CDC42BPB: variants seen among roughly 807,000 people sequenced by gnomAD.
CDC42BPB encodes the protein CDC42 binding protein kinase beta.
CDC42BPB carries 37 observed loss-of-function variants against 214.9 expected under a neutral mutation model. The ratio of observed to expected loss-of-function variants is 0.17; its 90% CI spans 0.13 to 0.23. The LOEUF is 0.23. Among genes scored for constraint, CDC42BPB ranks in the 10% least tolerant of loss-of-function variants. The pLI, the probability that CDC42BPB is intolerant of heterozygous loss-of-function variation, is 1.00. For missense variants in CDC42BPB, 1,694 were observed against 2,227.0 expected, an observed-to-expected ratio of 0.76 and a Z score of 4.82; for synonymous variants, 931 against 884.0, an observed-to-expected ratio of 1.05 and a Z score of -0.94.
At chr14:102,992,939 A>C (rs1595118205) in intron 5 of CDC42BPB, among the ~76,000 whole-genome samples, 1 of 151,724 alleles carries the variant, frequency 6.6e-6, no homozygotes, top group African/African-American at 2.4e-5. Context: ...AGCGATTCTC[A>C]TACCTCAGCC....
chr14:102,995,955 T>C (rs1195682497), intron 5 of CDC42BPB, among the ~76,000 whole-genome samples: 2 of 152,250 alleles, frequency 1.3e-5, no homozygotes, highest in African/African-American at 4.8e-5. Context: ...GTCTGAATAA[T>C]GAGTTAATTT....
chr14:103,005,167 CAAAA>C (rs59904134), intron 3 of CDC42BPB, among the ~76,000 whole-genome samples: 7 of 117,448 alleles, frequency 6.0e-5, no homozygotes, highest in African/African-American at 2.5e-4. Flanking sequence ...GACTCTGTCT[CAAAA>C]AAAAAAAAAA....
intron 1 of CDC42BPB, among the ~76,000 whole-genome samples, chr14:103,025,268 CT>C (rs1453526495): frequency 6.6e-6 from 1 of 152,026 alleles, no homozygotes; most frequent in Non-Finnish European, 1.5e-5. Context: ...TGTGCCACCC[CT>C]CTCCCCCACC....
chr14:103,003,886 C>T (rs750215617), intron 4 of CDC42BPB, 42 bp downstream of exon 4: 10 of 1,497,220 alleles, frequency 6.7e-6, no homozygotes, highest in South Asian at 4.6e-5. Context: ...GGAATAAAGC[C>T]GGAGCGAATG....
At chr14:102,958,919 C>T (rs1892830661) in intron 21 of CDC42BPB, among the ~76,000 whole-genome samples, 1 of 151,954 alleles carries the variant, frequency 6.6e-6, no homozygotes, top group South Asian at 2.1e-4. Flanking sequence ...GTGATCCTCC[C>T]ACTTCAGCCT....
rs576673218 is a variant in CDC42BPB, at chr14:102,937,581, C to T, written c.5004+523G>A. 6.6e-5 allele frequency among the ~76,000 whole-genome samples: 10 copies of T among 152,284 alleles called. No homozygotes were observed. In the East Asian group the frequency reaches 1.3e-3, roughly 21 times the overall value. On this transcript the variant is annotated intron_variant, in intron 36 of 36. Transcript: ENST00000361246. Reference sequence around the variant, plus strand: ...CTCAGCCCTCAGCACTGCAGCTCCTCGCCTCCCTCGACTGCATTCTCATCC... The same window carrying T: ...CTCAGCCCTCAGCACTGCAGCTCCTTGCCTCCCTCGACTGCATTCTCATCC...
intron 22 of CDC42BPB, 75 bp downstream of exon 22, chr14:102,954,527 G>C: frequency 6.9e-7 from 1 of 1,456,762 alleles, no homozygotes; most frequent in Non-Finnish European, 9.5e-7. Context: ...GCAGGGGCCA[G>C]GTGAGCAGCA....
chr14:102,938,504 T>G, intron 34 of CDC42BPB, 93 bp from the exon 35 acceptor site: 1 of 1,466,184 alleles, frequency 6.8e-7, no homozygotes, highest in South Asian at 1.4e-5. Context: ...TGTGGCCTCG[T>G]GACCTTGATG....
At chr14:103,008,290 G>T (rs996918959) in intron 3 of CDC42BPB, among the ~76,000 whole-genome samples, 182 bp downstream of exon 3, 1 of 152,238 alleles carries the variant, frequency 6.6e-6, no homozygotes, top group Admixed American at 6.5e-5. Context: ...GGTCGCTGAG[G>T]CGGGGAGCAG....
chr14:102,939,518 C>T, intron 34 of CDC42BPB, 92 bp downstream of exon 34: 1 of 913,588 alleles, frequency 1.1e-6, no homozygotes, highest in Non-Finnish European at 1.8e-6. Flanking sequence ...CTCGCAGGCA[C>T]TGCCTTTGGG....
chr14:103,049,166 A>T (rs1008329506), intron 1 of CDC42BPB, among the ~76,000 whole-genome samples: 11 of 152,248 alleles, frequency 7.2e-5, no homozygotes, highest in Non-Finnish European at 1.6e-4. Flanking sequence ...CAATGTCTAA[A>T]ATGGTAAAAT....
chr14:102,944,048 C>A lies in CDC42BPB; in HGVS notation c.4251G>T (p.Ala1417=). 6.2e-7 allele frequency: 1 copy of A among 1,613,600 alleles called. No individual in the cohort carries two copies. Among genetic ancestry groups the A allele is most frequent in the Non-Finnish European group, 8.5e-7 (1 of 1,180,012 alleles). ...NLVNPNDPSL[A]FLSQQSFDAL... ...CATCAAAAGACTGTTGTGAGAGGAACGCAAGCGAGGGGTCATTGGGATTTA... is the reference window on the plus strand; with the variant it reads ...CATCAAAAGACTGTTGTGAGAGGAAAGCAAGCGAGGGGTCATTGGGATTTA... The change falls in exon 30 of 37, where the codon GCG becomes GCT. Residue 1417 remains alanine (A), a synonymous_variant. Coordinates refer to ENST00000361246, the MANE Select transcript of CDC42BPB (RefSeq NM_006035.4). The surrounding 1 kb of genome is among the most constrained non-coding windows in gnomAD (Gnocchi z 6.6).
At chr14:102,947,943 A>C (rs982793441) in intron 26 of CDC42BPB, 141 bp from the exon 27 acceptor site, 2 of 1,497,454 alleles carry the variant, frequency 1.3e-6, no homozygotes, top group East Asian at 4.8e-5. Flanking sequence ...GCCTCCCCAG[A>C]TGTAAGAAAC....
At position 102,943,934 on chromosome 14, in the gene CDC42BPB, T is replaced by C. The variant is rs761505951; in HGVS notation, c.4365A>G (p.Ala1455=). 1.2e-6 allele frequency: 2 copies of C among 1,612,560 alleles called. No individual in the cohort carries two copies. Among genetic ancestry groups the C allele is most frequent in the Non-Finnish European group, 1.7e-6 (2 of 1,179,886 alleles). Residue 1455 remains alanine (A), a synonymous_variant, in exon 30 of 37, where the codon GCA becomes GCG. Coordinates refer to ENST00000361246, the MANE Select transcript of CDC42BPB (RefSeq NM_006035.4). This position sits in a 1 kb window ranked among gnomAD's most constrained non-coding sequence, Gnocchi z 4.6. ...CAGGCCACATGAGCTCCTGCGCGCGTGCCCTCCGGCCTTGCGGGTCCACGT... is the reference window on the plus strand; with the variant it reads ...CAGGCCACATGAGCTCCTGCGCGCGCGCCCTCCGGCCTTGCGGGTCCACGT... ...GLYVDPQGRR[A]RAQELMWPAA...
chr14:102,965,213 T>TGAGC (rs1893144474), intron 18 of CDC42BPB, among the ~76,000 whole-genome samples: 1 of 152,138 alleles, frequency 6.6e-6, no homozygotes, highest in South Asian at 2.1e-4. Flanking sequence ...ATTACAGGCA[T>TGAGC]GAGCCGCTGC....
Position 102,968,461 on chromosome 14 carries a change from T to C in CDC42BPB, c.2240+11A>G. The C allele has an allele frequency of 6.2e-7, 1 of 1,614,018 alleles. No homozygotes were observed. The highest frequency in any genetic ancestry group is 8.5e-7 in the Non-Finnish European group (1 of 1,179,978). On this transcript the variant is annotated intron_variant, in intron 15 of 36. Coordinates refer to ENST00000361246, the MANE Select transcript of CDC42BPB (RefSeq NM_006035.4). ...TGCATCTTCTGAACTGAGAAGCTCATGAAAACCTACCGTTCTCGCTTTGAC... is the reference window on the plus strand; with the variant it reads ...TGCATCTTCTGAACTGAGAAGCTCACGAAAACCTACCGTTCTCGCTTTGAC...
chr14:102,934,327 G>A (rs2139327205), intron 36 of CDC42BPB, among the ~76,000 whole-genome samples: 1 of 152,310 alleles, frequency 6.6e-6, no homozygotes, highest in East Asian at 1.9e-4. Context: ...AAAGTCAGGA[G>A]ATTGGGACCA....
rs1176003660 is a variant in CDC42BPB, at chr14:102,980,859, T to C, written c.1054A>G (p.Asn352Asp). ...TCAGGAATATAAGGTGCTTCTAGGT[T>C]TCGTATATTTTCCCAATTTAGACCT... is the stretch of plus-strand genomic sequence containing the variant. ...FEGLNWENIR[N>D]LEAPYIPDVS... Residue 352 changes from asparagine to aspartate, a missense_variant, in exon 8 of 37, where the codon AAC becomes GAC. By Grantham distance (23) the Asn-to-Asp change is conservative. Coordinates refer to ENST00000361246, the MANE Select transcript of CDC42BPB (RefSeq NM_006035.4). 1.2e-6 allele frequency: 2 copies of C among 1,614,026 alleles called. No homozygotes were observed. The highest frequency in any genetic ancestry group is 2.7e-5 in the African/African-American group (2 of 74,912).
rs762110134 is a variant in CDC42BPB at position 102,940,119 on chromosome 14, C to A, written c.4518G>T (p.Leu1506=). The A allele has an allele frequency of 2.5e-6, 4 of 1,613,894 alleles. No homozygotes were observed. Among genetic ancestry groups the A allele is most frequent in the Non-Finnish European group, 3.4e-6 (4 of 1,180,044 alleles). Residue 1506 remains leucine (L), a synonymous_variant, in exon 32 of 37, where the codon CTG becomes CTT. Transcript: ENST00000361246. ...QTIGLRRIRP[L]NSEGTLNLLN... Reference sequence around the variant, plus strand: ...GGAGGTTGAGGGTGCCTTCAGAGTTCAGGGGCCTTATCTGGATTGGAAACC... The same window carrying A: ...GGAGGTTGAGGGTGCCTTCAGAGTTAAGGGGCCTTATCTGGATTGGAAACC...
Sources: gnomAD v4.1 joint callset for allele counts (sites outside exome capture counted in the v4.1 genomes callset) on GRCh38, gnomAD v4.1.1 for gene constraint, Gnocchi (gnomAD v3.1) non-coding constraint, MANE v1.5 for transcripts, NCBI Gene and HGNC (gene_info 2026-07-23, HGNC 2026-07-21) for gene names.